The following COL19A1 variants were observed in gnomAD, a reference collection of about 807,000 sequenced individuals.
The protein encoded by COL19A1 is collagen type XIX alpha 1 chain, also known as collagen alpha-1(XIX) chain.
A neutral mutation model predicts 190.2 loss-of-function variants in COL19A1; 159 were observed. The ratio of observed to expected loss-of-function variants is 0.84; its 90% confidence interval spans 0.73 to 0.95. COL19A1 has a LOEUF of 0.95. COL19A1 is among the 40% of genes least tolerant of loss of function. COL19A1 has a pLI of 0.00. For synonymous variants in COL19A1, 509 were observed against 458.9 expected (o/e 1.11, Z -1.39); for missense variants, 1,418 against 1,431.9 (o/e 0.99, Z 0.16).
chr6:70,017,471 A>G (rs1778180989), intron 11 of COL19A1, among the ~76,000 whole-genome samples: 1 of 152,170 alleles, frequency 6.6e-6, no homozygotes, highest in Non-Finnish European at 1.5e-5. Context: ...TATCAGTATT[A>G]TGGCAAGTAA....
At chr6:69,997,523 A>G (rs562948551) in intron 11 of COL19A1, among the ~76,000 whole-genome samples, 1 of 152,306 alleles carries the variant, frequency 6.6e-6, no homozygotes, top group East Asian at 1.9e-4. Flanking sequence ...ACAATTACTC[A>G]ATCTCAGTAG....
chr6:70,064,889 C>A (rs1359428634), intron 14 of COL19A1, among the ~76,000 whole-genome samples: 3 of 152,070 alleles, frequency 2.0e-5, no homozygotes, highest in Non-Finnish European at 4.4e-5. Context: ...ACCTAGGAAT[C>A]CAACTTACAA....
chr6:69,874,724 C>T (rs1256315666), intron 1 of COL19A1, among the ~76,000 whole-genome samples: 1 of 151,526 alleles, frequency 6.6e-6, no homozygotes. Flanking sequence ...GCACTCCAGC[C>T]TGGGCAACAG....
At chr6:69,967,140 C>G (rs529567939) in intron 11 of COL19A1, among the ~76,000 whole-genome samples, 1 of 152,312 alleles carries the variant, frequency 6.6e-6, no homozygotes, top group African/African-American at 2.4e-5. Context: ...CATCCAGTGG[C>G]AACTGCTACT....
rs148953347 is a variant in COL19A1, at chr6:69,900,136, G to A, written c.167-103G>A. 1.2e-3 allele frequency: 722 copies of A among 601,214 alleles called. 9 individuals carry two copies. The African/African-American group carries it at 0.012, about 10-fold the overall frequency. 37.2% of individuals were successfully genotyped at this position (601,214 alleles called of 1,614,324 possible). On this transcript the variant is annotated intron_variant, in intron 3 of 50. Transcript: ENST00000620364. ...TGCTGATCCCAAGCAGCAAGATTTC[G>A]TTTGAAGTGAATCAATTAATAGATA... is the stretch of plus-strand genomic sequence containing the variant.
At position 69,900,349 on chromosome 6, in the gene COL19A1, A is replaced by G. The variant is rs757593452; in HGVS notation, c.266+11A>G. ...TATTAGAGACACTATGTAAGTAAAA[A>G]ATTATTTTCTTTATGTTTAATAATA... On this transcript the variant is annotated intron_variant, in intron 4 of 50. Coordinates refer to ENST00000620364, the MANE Select transcript of COL19A1 (RefSeq NM_001858.6). The G allele has an allele frequency of 8.8e-6, 12 of 1,368,536 alleles. No individual in the cohort carries two copies. The highest frequency in any genetic ancestry group is 1.5e-5 in the African/African-American group (1 of 67,950). The allele number at this position is 1,368,536 out of a possible 1,614,324, so 84.8% of individuals were successfully genotyped here.
intron 11 of COL19A1, among the ~76,000 whole-genome samples, chr6:70,022,889 T>G (rs1372344489): frequency 6.6e-6 from 1 of 152,184 alleles, no homozygotes; most frequent in African/African-American, 2.4e-5. Flanking sequence ...ATAAATAGCA[T>G]TACACTCTAC....
intron 43 of COL19A1, 52 bp downstream of exon 43, chr6:70,180,408 C>G (rs766362829): frequency 6.2e-7 from 1 of 1,613,852 alleles, no homozygotes; most frequent in Non-Finnish European, 8.5e-7. Flanking sequence ...TACTTGCATG[C>G]AGTTTTAAAA....
intron 12 of COL19A1, among the ~76,000 whole-genome samples, chr6:70,028,819 A>C (rs988176414): frequency 5.9e-5 from 9 of 152,162 alleles, no homozygotes; most frequent in Non-Finnish European, 1.3e-4. Context: ...TCATACAGAA[A>C]GCCTTTAGAA....
In COL19A1 at chr6:69,988,924, C is replaced by T. The variant is rs1258219301; in HGVS notation, c.1026+26054C>T. On this transcript the variant is annotated intron_variant, in intron 11 of 50. Coordinates refer to ENST00000620364, the MANE Select transcript of COL19A1 (RefSeq NM_001858.6). ...CCTTTCACATCTGCTTTTCTTCCTGCATTTGCTCTTTTCTATTTGTGCTGA... is the reference window on the plus strand; with the variant it reads ...CCTTTCACATCTGCTTTTCTTCCTGTATTTGCTCTTTTCTATTTGTGCTGA... Among the ~76,000 whole-genome samples, 3 of 152,318 alleles carry T rather than the reference C, an allele frequency of 2.0e-5. No homozygotes were observed. In the East Asian group the frequency reaches 5.8e-4, roughly 29 times the overall value.
chr6:70,172,057 T>C (rs759484153), intron 41 of COL19A1, 40 bp downstream of exon 41: 13 of 1,591,424 alleles, frequency 8.2e-6, no homozygotes, highest in Non-Finnish European at 1.1e-5. Context: ...TTATTCAACA[T>C]TCAAAATTGT....
rs1766631070 is a variant in COL19A1, at chr6:70,187,985, A to G, written c.2857-90A>G. ...TTATTTATACAAGGCCCAACAGCTA[A>G]TAAGTGCCAGTATGAATCCAGAACT... On this transcript the variant is annotated intron_variant, in intron 46 of 50. Coordinates refer to ENST00000620364, the MANE Select transcript of COL19A1 (RefSeq NM_001858.6). 7.5e-6 allele frequency: 11 copies of G among 1,458,266 alleles called. No individual in the cohort carries two copies. The South Asian group carries it at 7.8e-5, about 10-fold the overall frequency. The allele number at this position is 1,458,266 out of a possible 1,614,324, so 90.3% of individuals were successfully genotyped here.
chr6:70,066,889 G>A (rs1781255957), intron 14 of COL19A1, among the ~76,000 whole-genome samples: 1 of 152,038 alleles, frequency 6.6e-6, no homozygotes. Context: ...TAGATGATGG[G>A]TGAATTATAA....
intron 16 of COL19A1, among the ~76,000 whole-genome samples, chr6:70,116,809 A>G (rs1487442668): frequency 1.3e-5 from 2 of 152,200 alleles, no homozygotes; most frequent in Non-Finnish European, 2.9e-5. Flanking sequence ...ACTTTTGAAG[A>G]GAGTTGGTTA....
intron 42 of COL19A1, 99 bp downstream of exon 42, chr6:70,176,663 T>C: frequency 9.1e-7 from 1 of 1,096,144 alleles, no homozygotes; most frequent in South Asian, 1.8e-5. Context: ...GAGCATACCA[T>C]AACTCCCATG....
chr6:69,888,436 C>A lies in COL19A1; in HGVS notation c.91+8778C>A, dbSNP rs141525137. 7.9e-5 allele frequency among the ~76,000 whole-genome samples: 12 copies of A among 151,688 alleles called. 1 individual carries two copies. The highest frequency in any genetic ancestry group is 1.8e-4 in the Non-Finnish European group (12 of 67,914). ...TTAACTCTTTCTAGTTTGAAGGATG[C>A]ATTTAAGGGGACTGTCCTCTAGTAC... On this transcript the variant is annotated intron_variant, in intron 2 of 50. Coordinates refer to ENST00000620364, the MANE Select transcript of COL19A1 (RefSeq NM_001858.6).
chr6:70,075,362 G>A (rs1188113984), intron 15 of COL19A1, among the ~76,000 whole-genome samples: 5 of 152,184 alleles, frequency 3.3e-5, no homozygotes, highest in Admixed American at 1.3e-4. Context: ...GGTGGACTTT[G>A]GCCGCTTGGT....
In COL19A1 at chr6:70,207,910, G is replaced by C. The variant is rs1767992558; in HGVS notation, c.*636G>C. 2 of 152,130 alleles carry C rather than the reference G, an allele frequency of 1.3e-5. No individual in the cohort carries two copies. 9.4% of individuals were successfully genotyped at this position (152,130 alleles called of 1,614,324 possible). ...TTTTATCAGGGAGCCCAAACACCCAGCATAGCCAACTACTGAAATGATTTT... is the reference window on the plus strand; with the variant it reads ...TTTTATCAGGGAGCCCAAACACCCACCATAGCCAACTACTGAAATGATTTT... On this transcript the variant is annotated 3_prime_UTR_variant, in exon 51 of 51. Coordinates refer to ENST00000620364, the MANE Select transcript of COL19A1 (RefSeq NM_001858.6).
intron 19 of COL19A1, among the ~76,000 whole-genome samples, chr6:70,140,151 G>A (rs1786148567): frequency 6.6e-6 from 1 of 151,856 alleles, no homozygotes; most frequent in Non-Finnish European, 1.5e-5. Flanking sequence ...GTATCTGTGG[G>A]GGATGGGTTC....
Sources: allele counts gnomAD v4.1 joint callset (sites outside exome capture counted in the v4.1 genomes callset), GRCh38; gene constraint gnomAD v4.1.1; transcripts MANE v1.5; gene names NCBI Gene and HGNC (gene_info 2026-07-23, HGNC 2026-07-21).